COPS8: variants seen among roughly 807,000 people sequenced by gnomAD.
The protein encoded by COPS8 is COP9 signalosome subunit 8, also known as COP9 signalosome complex subunit 8.
COPS8 carries 11 observed loss-of-function variants against 31.5 expected under a neutral mutation model. The ratio of observed to expected loss-of-function variants is 0.35; its 90% CI spans 0.22 to 0.58. The LOEUF is 0.58. Among genes scored for constraint, COPS8 ranks in the 20% least tolerant of loss-of-function variants. COPS8 has a pLI of 0.83. For missense variants in COPS8, 215 were observed against 255.1 expected (o/e 0.84, Z 1.07); for synonymous variants, 81 against 89.3 (o/e 0.91, Z 0.52).
At chr2:237,088,713 A>T (rs1478535621) in intron 3 of COPS8, 60 bp downstream of exon 3, 4 of 1,077,112 alleles carry the variant, frequency 3.7e-6, no homozygotes, top group African/African-American at 3.2e-5. Context: ...TTAAATGGCA[A>T]CCTTTTATAA....
intron 5 of COPS8, among the ~76,000 whole-genome samples, chr2:237,095,487 T>G (rs113689391): frequency 7.2e-4 from 109 of 152,314 alleles, no homozygotes; most frequent in Middle Eastern, 3.4e-3. Context: ...ATTACTGATA[T>G]GATGGTCACA....
chr2:237,092,018 G>C (rs1437661320), intron 4 of COPS8, among the ~76,000 whole-genome samples: 1 of 152,252 alleles, frequency 6.6e-6, no homozygotes, highest in Non-Finnish European at 1.5e-5. Context: ...AAGGATGGGA[G>C]TGACTAGTTC....
chr2:237,096,704 C>T, intron 6 of COPS8, 118 bp from the exon 7 acceptor site: 1 of 754,632 alleles, frequency 1.3e-6, no homozygotes, highest in Non-Finnish European at 2.3e-6. Context: ...CAGTTGTTAT[C>T]CCTGTTTGAG....
chr2:237,086,373 T>G (rs993164720), intron 1 of COPS8, among the ~76,000 whole-genome samples: 1 of 152,100 alleles, frequency 6.6e-6, no homozygotes, highest in Non-Finnish European at 1.5e-5. Flanking sequence ...AAAGTGGGTT[T>G]TATTAAAGAT....
chr2:237,089,806 A>G (rs1213270278), intron 3 of COPS8, 56 bp from the exon 4 acceptor site: 1 of 1,539,958 alleles, frequency 6.5e-7, no homozygotes, highest in Admixed American at 1.8e-5. Flanking sequence ...TTTAAGATAC[A>G]ATCATTGGTG....
At chr2:237,086,263 T>A (rs2106343166) in intron 1 of COPS8, among the ~76,000 whole-genome samples, 1 of 152,262 alleles carries the variant, frequency 6.6e-6, no homozygotes, top group Non-Finnish European at 1.5e-5. Context: ...CTTCAGCTTG[T>A]GAGCCCGAAA....
chr2:237,095,254 T>C (rs1423885321), intron 5 of COPS8, among the ~76,000 whole-genome samples: 4 of 152,358 alleles, frequency 2.6e-5, no homozygotes, highest in Non-Finnish European at 5.9e-5. Context: ...TGGATGTGAA[T>C]GCTGGTACCA....
intron 4 of COPS8, among the ~76,000 whole-genome samples, chr2:237,091,678 T>C (rs1559299498): frequency 6.6e-6 from 1 of 152,218 alleles, no homozygotes; most frequent in Non-Finnish European, 1.5e-5. Context: ...TGAAAATGAC[T>C]TAAGAGAAGC....
chr2:237,087,314 A>G lies in COPS8; in HGVS notation c.149+117A>G, dbSNP rs1264539889. 21 of 644,316 alleles carry G rather than the reference A, an allele frequency of 3.3e-5. 1 individual carries two copies. The highest frequency in any genetic ancestry group is 4.6e-5 in the Non-Finnish European group (17 of 367,730). The allele number at this position is 644,316 out of a possible 1,614,324, so 39.9% of individuals were successfully genotyped here. On this transcript the variant is annotated intron_variant, in intron 2 of 7. Coordinates refer to ENST00000354371, the MANE Select transcript of COPS8 (RefSeq NM_006710.5). ...CACAACGAGCTACCTTTTTTATTAC[A>G]GTAATTGTTAACGTCTATTTCCTAT... is the stretch of plus-strand genomic sequence containing the variant.
chr2:237,094,985 G>A (rs1052161043), intron 5 of COPS8, among the ~76,000 whole-genome samples: 8 of 151,824 alleles, frequency 5.3e-5, no homozygotes, highest in Non-Finnish European at 8.8e-5. Context: ...TATATATATC[G>A]TATACACCTT....
intron 2 of COPS8, chr2:237,087,507 TAAAAC>T (rs774877803): frequency 2.8e-5 from 10 of 360,462 alleles, no homozygotes; most frequent in South Asian, 1.6e-4. Flanking sequence ...ATATAATCAA[TAAAAC>T]AAAAGAAGTG....
rs1055863905 is a variant in COPS8, at chr2:237,098,751, T to A, written c.*1009T>A. The stretch of plus-strand genomic sequence containing the variant: ...ACTCTCGATCTTTCTGTGGACACAA[T>A]CTATTTTGTCATTGTGTCTATATGA... On this transcript the variant is annotated 3_prime_UTR_variant, in exon 8 of 8. Transcript: ENST00000354371. 2 of 152,242 alleles carry A rather than the reference T, an allele frequency of 1.3e-5. No individual in the cohort carries two copies. The highest frequency in any genetic ancestry group is 4.8e-5 in the African/African-American group (2 of 41,476). The allele number at this position is 152,242 out of a possible 1,614,324, so 9.4% of individuals were successfully genotyped here.
In COPS8 at chr2:237,089,928, A is replaced by G; in HGVS notation, c.265A>G (p.Ile89Val). ...QRIWQRDFPG[I>V]YTTINAHQWS... ...AATCTGGCAGAGAGATTTCCCTGGG[A>G]TCTATACAACCATCAACGCTCACCA... Residue 89 changes from isoleucine (I) to valine (V), a missense_variant, in exon 4 of 8, where the codon ATC (isoleucine) becomes GTC (valine). Ile to Val is a conservative substitution (Grantham distance 29, BLOSUM62 3). Transcript: ENST00000354371. 6.2e-7 allele frequency: 1 copy of G among 1,613,826 alleles called. No homozygotes were observed. Among genetic ancestry groups the G allele is most frequent in the Non-Finnish European group, 8.5e-7 (1 of 1,179,912 alleles).
At chr2:237,094,462 T>C (rs1696758656) in intron 5 of COPS8, among the ~76,000 whole-genome samples, 1 of 152,158 alleles carries the variant, frequency 6.6e-6, no homozygotes, top group Admixed American at 6.5e-5. Context: ...TCTTTACTCA[T>C]ATTTGGAAAT....
At chr2:237,092,377 T>C (rs752857128) in intron 4 of COPS8, among the ~76,000 whole-genome samples, 13 of 152,246 alleles carry the variant, frequency 8.5e-5, no homozygotes, top group Admixed American at 2.0e-4. Flanking sequence ...CCTTTTCCAG[T>C]GATATCTTTT....
chr2:237,094,151 T>C lies in COPS8; in HGVS notation c.393T>C (p.Asp131=), dbSNP rs768191872. 7.4e-6 allele frequency: 12 copies of C among 1,613,966 alleles called. No individual in the cohort carries two copies. In the East Asian group the frequency reaches 1.3e-4, roughly 18 times the overall value. ...VSQAYTSIIA[D]DFAAFVGLPV... ...AAGCGTATACTTCAATCATCGCCGA[T>C]GATTTTGCAGCCTTTGTTGGACTTC... is the stretch of plus-strand genomic sequence containing the variant. The change falls in exon 5 of 8, where the codon GAT becomes GAC. Residue 131 remains aspartate (D), a synonymous_variant. Transcript: ENST00000354371.
chr2:237,095,473 T>C (rs1696783112), intron 5 of COPS8, among the ~76,000 whole-genome samples: 1 of 152,212 alleles, frequency 6.6e-6, no homozygotes, highest in South Asian at 2.1e-4. Flanking sequence ...TTGCCATCTT[T>C]GTTATTACTG....
Position 237,094,124 on chromosome 2 carries a change from T to G in COPS8, c.366T>G (p.Ser122=), listed in dbSNP as rs1696752544. 5 of 1,613,920 alleles carry G rather than the reference T, an allele frequency of 3.1e-6. No individual in the cohort carries two copies. Among genetic ancestry groups the G allele is most frequent in the African/African-American group, 1.3e-5 (1 of 74,928 alleles). ...GGAGACGCGCCTTTGCCCTGGTCTC[T>G]CAAGCGTATACTTCAATCATCGCCG... is the stretch of plus-strand genomic sequence containing the variant. The part of the protein sequence containing the change: ...ATRRRAFALV[S]QAYTSIIADD... Residue 122 remains serine, a synonymous_variant, in exon 5 of 8, where the codon TCT becomes TCG. Transcript: ENST00000354371.
chr2:237,096,758 T>G, intron 6 of COPS8, 64 bp from the exon 7 acceptor site: 2 of 1,275,266 alleles, frequency 1.6e-6, no homozygotes, highest in Middle Eastern at 1.9e-4. Flanking sequence ...AAATAGCATG[T>G]TCTATGAAAG....
Sources: allele counts gnomAD v4.1 joint callset (sites outside exome capture counted in the v4.1 genomes callset), GRCh38; gene constraint gnomAD v4.1.1; transcripts MANE v1.5; gene names NCBI Gene and HGNC (gene_info 2026-07-23, HGNC 2026-07-21).